The following CIB1 variants were observed in gnomAD, a reference collection of about 807,000 sequenced individuals.
CIB1 encodes calcium and integrin-binding protein 1.
A neutral mutation model predicts 25.0 loss-of-function variants in CIB1; 19 were observed. That is an observed-to-expected ratio of 0.76 (90% CI 0.53 to 1.12). The LOEUF is 1.12. CIB1 is among the 50% of genes most tolerant of loss of function. The probability of loss-of-function intolerance (pLI) is 0.00; values close to 1 mark genes in which losing one functional copy is unlikely to be tolerated. For missense variants in CIB1, 236 were observed against 242.6 expected, an observed-to-expected ratio of 0.97 and a Z score of 0.18; for synonymous variants, 104 against 98.5, an observed-to-expected ratio of 1.06 and a Z score of -0.33.
At position 90,232,824 on chromosome 15, in the gene CIB1, TGAACCCGGAGGCAGGAGAATCAC is replaced by T. The variant is rs1962531438; in HGVS notation, c.87-520_87-498del. Reference sequence around the variant, plus strand: ...AGGAGGCTGAGGCAGGAGAATCACTTGAACCCGGAGGCAGGAGAATCACTTGAACCCGGAGGCAGAGCCTGCAG... The same window carrying T: ...AGGAGGCTGAGGCAGGAGAATCACTTTTGAACCCGGAGGCAGAGCCTGCAG... On this transcript the variant is annotated intron_variant, in intron 2 of 6. Transcript: ENST00000328649. 7.4e-5 allele frequency among the ~76,000 whole-genome samples: 3 copies of T among 40,320 alleles called. No homozygotes were observed. The Admixed American group carries it at 1.1e-3, about 15-fold the overall frequency. 26.5% of individuals were successfully genotyped at this position (40,320 alleles called of 152,430 possible).
At chr15:90,241,941 C>T in the CIB1 span, 3 of 1,614,012 alleles carry the variant, frequency 1.9e-6, no homozygotes, top group Non-Finnish European at 1.7e-6. Context: ...CAAAACATCC[C>T]AGGACTTCAG....
intron 3 of CIB1, 140 bp from the exon 4 acceptor site, chr15:90,231,647 C>T: frequency 1.0e-6 from 1 of 965,584 alleles, no homozygotes; most frequent in Admixed American, 2.8e-5. Context: ...TTGGGGCCAA[C>T]ATGGAGGGCA....
intron 2 of CIB1, 68 bp from the exon 3 acceptor site, chr15:90,232,395 T>C: frequency 4.6e-6 from 7 of 1,512,074 alleles, no homozygotes; most frequent in Non-Finnish European, 6.2e-6. Flanking sequence ...TTCCCACTCC[T>C]TGCCTGCTGC....
intron 2 of CIB1, 70 bp downstream of exon 2, chr15:90,233,599 C>T: frequency 6.5e-7 from 1 of 1,535,638 alleles, no homozygotes; most frequent in South Asian, 1.2e-5. Context: ...GCCCCTCCCT[C>T]GGGACAGCGC....
chr15:90,243,943 G>GTT, the CIB1 span: 22 of 137,986 alleles, frequency 1.6e-4, no homozygotes, highest in Admixed American at 2.2e-4. Flanking sequence ...CCTGGCCTGA[G>GTT]TTTTTTTTTT....
chr15:90,258,822 C>T, the CIB1 span: 2 of 1,614,074 alleles, frequency 1.2e-6, no homozygotes, highest in Admixed American at 1.7e-5. Context: ...GATGCTATGA[C>T]CCTTGTCAAC....
At chr15:90,239,485 C>A in the CIB1 span, among the ~76,000 whole-genome samples, 2 of 152,136 alleles carry the variant, frequency 1.3e-5, no homozygotes, top group Admixed American at 6.6e-5. Context: ...GCAAACACAT[C>A]CTTCTTCACA....
the CIB1 span, chr15:90,262,560 C>T: frequency 9.8e-6 from 15 of 1,534,014 alleles, no homozygotes; most frequent in Non-Finnish European, 1.3e-5. Flanking sequence ...AGGCAAAAGG[C>T]CAGGGACCAG....
chr15:90,255,859 C>T, the CIB1 span: 7 of 1,614,150 alleles, frequency 4.3e-6, no homozygotes, highest in African/African-American at 1.3e-5. Flanking sequence ...ACAACATCTT[C>T]CCCCGCACCT....
At chr15:90,232,635 G>A (rs1236363627) in intron 2 of CIB1, among the ~76,000 whole-genome samples, 2 of 152,170 alleles carry the variant, frequency 1.3e-5, no homozygotes, top group South Asian at 2.1e-4. Context: ...GGCCAGGCAC[G>A]GTGGCTCACA....
At chr15:90,265,600 G>T in the CIB1 span, 1 of 1,437,472 alleles carries the variant, frequency 7.0e-7, no homozygotes. Context: ...CAAGTGAAGC[G>T]GGAAATAACT....
rs1479681959 is a variant in CIB1, at chr15:90,232,506, G to A, written c.87-179C>T. 5.1e-6 allele frequency: 5 copies of A among 971,416 alleles called. No individual in the cohort carries two copies. The African/African-American group carries it at 8.4e-5, about 16-fold the overall frequency. The allele number at this position is 971,416 out of a possible 1,614,324, so 60.2% of individuals were successfully genotyped here. ...ACATGTCACAAGGCAGTACAGCCTA[G>A]GAGTCTATTCTTGCAATGAGTATTT... On this transcript the variant is annotated intron_variant, in intron 2 of 6. Coordinates refer to ENST00000328649, the MANE Select transcript of CIB1 (RefSeq NM_006384.4).
chr15:90,262,240 T>C, the CIB1 span: 1 of 1,453,400 alleles, frequency 6.9e-7, no homozygotes, highest in African/African-American at 1.4e-5. Flanking sequence ...GGACAAGTCC[T>C]GAAGCTGCAT....
the CIB1 span, chr15:90,265,288 A>T: frequency 8.2e-7 from 1 of 1,224,456 alleles, no homozygotes; most frequent in East Asian, 4.7e-5. Flanking sequence ...GAGGCCATCC[A>T]GGAGACAATG....
At chr15:90,257,713 G>T in the CIB1 span, 2 of 1,614,054 alleles carry the variant, frequency 1.2e-6, no homozygotes, top group East Asian at 4.5e-5. Flanking sequence ...GGCGCTGTGG[G>T]CAGTAAGAGG....
At chr15:90,257,236 C>A in the CIB1 span, 1 of 1,613,450 alleles carries the variant, frequency 6.2e-7, no homozygotes, top group Admixed American at 1.7e-5. Flanking sequence ...AGGGCCTAGC[C>A]CGTTTTGCCA....
At chr15:90,239,742 C>G in the CIB1 span, among the ~76,000 whole-genome samples, 2 of 152,192 alleles carry the variant, frequency 1.3e-5, no homozygotes, top group African/African-American at 2.4e-5. Flanking sequence ...GAGTTTCACT[C>G]TTATTGTCCA....
chr15:90,252,314 G>T, the CIB1 span, among the ~76,000 whole-genome samples: 56 of 152,082 alleles, frequency 3.7e-4, no homozygotes, highest in Non-Finnish European at 4.4e-5. Flanking sequence ...TGGGATTACA[G>T]GCATGAGCCA....
the CIB1 span, among the ~76,000 whole-genome samples, chr15:90,254,703 C>A: frequency 6.6e-6 from 1 of 151,720 alleles, no homozygotes; most frequent in African/African-American, 2.4e-5. Context: ...AAATATTAGC[C>A]AGGCGTAGTG....
Sources: gnomAD v4.1 joint callset for allele counts (sites outside exome capture counted in the v4.1 genomes callset) on GRCh38, gnomAD v4.1.1 for gene constraint, MANE v1.5 for transcripts, NCBI Gene and HGNC (gene_info 2026-07-23, HGNC 2026-07-21) for gene names.